The following ABCA8 variants were observed in gnomAD, a reference collection of about 807,000 sequenced individuals.
The protein encoded by ABCA8 is ABC-type organic anion transporter ABCA8.
In ABCA8, 177 loss-of-function variants were observed where a neutral mutation model predicts 192.3. The observed-to-expected ratio is 0.92, with a 90% CI of 0.81 to 1.04. The LOEUF is 1.04. ABCA8 is among the 50% of genes least tolerant of loss of function. ABCA8 has a pLI of 0.00. For synonymous variants in ABCA8, 642 were observed against 690.2 expected (o/e 0.93, Z 1.09); for missense variants, 1,915 against 1,904.8 (o/e 1.01, Z -0.10).
intron 18 of ABCA8, 135 bp from the exon 19 acceptor site, chr17:68,906,298 A>T: frequency 1.8e-6 from 1 of 553,282 alleles, no homozygotes. Context: ...TTAACATTTC[A>T]TAATAGATCA....
At chr17:68,898,312 C>T (rs183446964) in intron 21 of ABCA8, among the ~76,000 whole-genome samples, 42 of 152,192 alleles carry the variant, frequency 2.8e-4, no homozygotes, top group African/African-American at 9.4e-4. Flanking sequence ...CACCACTACA[C>T]AATATATCCA....
At chr17:68,887,906 A>ATATATATATATATATATATG (rs370830810) in intron 24 of ABCA8, among the ~76,000 whole-genome samples, 1 of 60,874 alleles carries the variant, frequency 1.6e-5, no homozygotes, top group African/African-American at 9.5e-5. Context: ...ATATATATAT[A>ATATATATATATATATATATG]TCCATATATA....
intron 29 of ABCA8, 36 bp downstream of exon 29, chr17:68,883,755 A>T (rs771979030): frequency 1.5e-6 from 2 of 1,329,148 alleles, no homozygotes; most frequent in African/African-American, 1.5e-5. Context: ...TACGATATTG[A>T]TCAACAAAAT....
chr17:68,945,695 A>G (rs1382059091), intron 2 of ABCA8, among the ~76,000 whole-genome samples: 2 of 152,086 alleles, frequency 1.3e-5, no homozygotes, highest in Admixed American at 1.3e-4. Flanking sequence ...GCATTTCTCA[A>G]GCATATTGTT....
chr17:68,879,591 C>G (rs572230757), intron 32 of ABCA8: 1 of 152,682 alleles, frequency 6.5e-6, no homozygotes, highest in East Asian at 1.9e-4. Flanking sequence ...CTGGCTGTAG[C>G]AGGGGAGGTG....
intron 3 of ABCA8, 70 bp downstream of exon 3, chr17:68,941,869 C>A: frequency 9.3e-7 from 1 of 1,072,458 alleles, no homozygotes; most frequent in Non-Finnish European, 1.4e-6. Flanking sequence ...ATACACATGG[C>A]ATAGATAACT....
In ABCA8 at chr17:68,882,633, G is replaced by A. The variant is rs113953030; in HGVS notation, c.3794C>T (p.Thr1265Ile). 3,816 of 1,612,678 alleles carry A rather than the reference G, an allele frequency of 2.4e-3. 7 individuals are homozygous for A. Among genetic ancestry groups the A allele is most frequent in the Non-Finnish European group, 3.1e-3 (3,638 of 1,179,434 alleles). ...DEDVQMERVR[T>I]ANALNSTNFD... ...ATTAGTAGAATTCAAGGCATTTGCTGTTCTCACTCTTTCCATCTGAACATC... is the reference window on the plus strand; with the variant it reads ...ATTAGTAGAATTCAAGGCATTTGCTATTCTCACTCTTTCCATCTGAACATC... The change falls in exon 30 of 40, where the codon ACA becomes ATA. Residue 1265 changes from threonine to isoleucine, a missense_variant. Coordinates refer to ENST00000586539, the MANE Select transcript of ABCA8 (RefSeq NM_001288985.2).
chr17:68,876,256 A>T (rs1291512312), intron 35 of ABCA8: 8 of 651,446 alleles, frequency 1.2e-5, no homozygotes, highest in Non-Finnish European at 2.1e-5. Flanking sequence ...AACAATGGTA[A>T]TTCTTTCTTC....
In ABCA8 at chr17:68,882,564, C is replaced by T. The variant is rs764996011; in HGVS notation, c.3828+35G>A. The T allele has an allele frequency of 6.3e-6, 10 of 1,579,718 alleles. No individual in the cohort carries two copies. The South Asian group carries it at 1.0e-4, about 16-fold the overall frequency. On this transcript the variant is annotated intron_variant, in intron 30 of 39. Transcript: ENST00000586539. ...ATCATTAGAGAATTAGACTGGTAGA[C>T]TGACTAATAAAAAAACCTTTGTGTT...
intron 19 of ABCA8, among the ~76,000 whole-genome samples, chr17:68,904,970 A>G (rs2067025970): frequency 6.6e-6 from 1 of 152,250 alleles, no homozygotes; most frequent in Non-Finnish European, 1.5e-5. Flanking sequence ...TAGCAGGGCT[A>G]TAGAGAAATA....
chr17:68,941,977 A>G lies in ABCA8; in HGVS notation c.58T>C (p.Phe20Leu), dbSNP rs763091298. 4.3e-6 allele frequency: 7 copies of G among 1,613,058 alleles called. No homozygotes were observed. The African/African-American group carries it at 8.0e-5, about 18-fold the overall frequency. Reference sequence around the variant, plus strand: ...CTTTTCATTCTCCATTTTTTAAGAAAGTTCTTGCATAATAAGGCCCAAGTT... The same window carrying G: ...CTTTTCATTCTCCATTTTTTAAGAAGGTTCTTGCATAATAAGGCCCAAGTT... Reference protein sequence around the residue: ...QQTWALLCKNFLKKWRMKRES... With the variant: ...QQTWALLCKNLLKKWRMKRES... The change falls in exon 3 of 40, where the codon TTT becomes CTT. Residue 20 changes from phenylalanine to leucine, a missense_variant. By Grantham distance (22) the Phe-to-Leu change is conservative. Transcript: ENST00000586539.
rs763850389 is a variant in ABCA8, at chr17:68,919,387, C to T, written c.1702G>A (p.Val568Met). ...KLTGVCPQSN[V>M]QFDFLTVREN... ...CTTACAGTGAGGAAGTCAAATTGCA[C>T]ATTGGATTGTGGACAAACTCCGGTC... The change falls in exon 14 of 40, where the codon GTG becomes ATG. Residue 568 changes from valine (V) to methionine (M), a missense_variant. Coordinates refer to ENST00000586539, the MANE Select transcript of ABCA8 (RefSeq NM_001288985.2). 1.9e-6 allele frequency: 3 copies of T among 1,613,894 alleles called. No individual in the cohort carries two copies. In the African/African-American group the frequency reaches 4.0e-5, roughly 22 times the overall value.
chr17:68,881,457 T>C (rs2066333819), intron 31 of ABCA8, among the ~76,000 whole-genome samples: 1 of 152,158 alleles, frequency 6.6e-6, no homozygotes, highest in Non-Finnish European at 1.5e-5. Context: ...AGCCAAGTGT[T>C]TCAGATTCTG....
chr17:68,893,770 T>C (rs4148002), intron 23 of ABCA8, among the ~76,000 whole-genome samples: 56,968 of 140,288 alleles, frequency 0.41, 12,251 homozygotes, highest in East Asian at 0.57. Flanking sequence ...GGTTTTAGGG[T>C]ACATGTGCAC....
At chr17:68,905,977 C>T (rs891781298) in intron 19 of ABCA8, 67 bp downstream of exon 19, 11 of 1,396,314 alleles carry the variant, frequency 7.9e-6, no homozygotes, top group African/African-American at 1.5e-5. Context: ...TTTGTAATCA[C>T]ATCTTTGGAA....
At chr17:68,877,846 A>G (rs1485256257) in intron 32 of ABCA8, 167 bp from the exon 33 acceptor site, 1 of 615,810 alleles carries the variant, frequency 1.6e-6, no homozygotes, top group East Asian at 3.2e-5. Flanking sequence ...TCAGAGAGCA[A>G]ATACAGGAAA....
At chr17:68,945,004 A>T (rs1040555737) in intron 2 of ABCA8, 4 of 152,226 alleles carry the variant, frequency 2.6e-5, no homozygotes, top group Admixed American at 6.5e-5. Flanking sequence ...TGGAGCAGGA[A>T]ATCTAGAGTT....
rs2068245705 is a variant in ABCA8 at position 68,942,052 on chromosome 17, A to G, written c.-5-13T>C. 1 of 1,561,722 alleles carries G rather than the reference A, an allele frequency of 6.4e-7. No homozygotes were observed. The highest frequency in any genetic ancestry group is 1.2e-5 in the South Asian group (1 of 86,484). On this transcript the variant is annotated splice_polypyrimidine_tract_variant and intron_variant, in intron 2 of 39. Coordinates refer to ENST00000586539, the MANE Select transcript of ABCA8 (RefSeq NM_001288985.2). Reference sequence around the variant, plus strand: ...TTCCTCATCTTGTCTTGTTTAATGAAAAAGAAAGAAGATAAAATTAATATG... The same window carrying G: ...TTCCTCATCTTGTCTTGTTTAATGAGAAAGAAAGAAGATAAAATTAATATG...
intron 24 of ABCA8, among the ~76,000 whole-genome samples, chr17:68,889,493 C>T (rs771128510): frequency 6.6e-6 from 1 of 152,150 alleles, no homozygotes; most frequent in Admixed American, 6.5e-5. Context: ...TTCAAGTTCT[C>T]GCATTTCCAA....
Sources: allele counts gnomAD v4.1 joint callset (sites outside exome capture counted in the v4.1 genomes callset), GRCh38; gene constraint gnomAD v4.1.1; transcripts MANE v1.5; gene names NCBI Gene and HGNC (gene_info 2026-07-23, HGNC 2026-07-21).